ABHD2: variants seen among roughly 807,000 people sequenced by gnomAD.
ABHD2 encodes abhydrolase domain containing 2, acylglycerol lipase.
ABHD2 carries 20 observed loss-of-function variants against 48.1 expected under a neutral mutation model. The ratio of observed to expected loss-of-function variants is 0.42; its 90% CI spans 0.29 to 0.60. The LOEUF (loss-of-function observed/expected upper bound fraction) is 0.60. Ranked by LOEUF, ABHD2 falls within the 20% of genes least tolerant of loss-of-function variation. ABHD2 has a pLI of 0.24. For missense variants in ABHD2, 405 were observed against 550.9 expected (o/e 0.74, Z 2.65); for synonymous variants, 209 against 214.2 (o/e 0.98, Z 0.21).
chr15:89,126,002 G>T (rs558244210), intron 3 of ABHD2, among the ~76,000 whole-genome samples: 3 of 152,068 alleles, frequency 2.0e-5, no homozygotes, highest in Non-Finnish European at 4.4e-5. Context: ...GATGGAAAAA[G>T]GCTCATCCTT....
the ABHD2 span, among the ~76,000 whole-genome samples, chr15:89,071,379 C>T: frequency 6.6e-6 from 1 of 152,130 alleles, no homozygotes; most frequent in Non-Finnish European, 1.5e-5. Context: ...CAAGATTGTG[C>T]CTTTGCATTC....
At chr15:89,117,480 T>A (rs1260016076) in intron 3 of ABHD2, among the ~76,000 whole-genome samples, 1 of 152,264 alleles carries the variant, frequency 6.6e-6, no homozygotes, top group East Asian at 1.9e-4. Context: ...TCTGAATGAC[T>A]GTGTCTTCCT....
At chr15:89,157,992 T>C (rs973824577) in intron 5 of ABHD2, among the ~76,000 whole-genome samples, 1 of 151,732 alleles carries the variant, frequency 6.6e-6, no homozygotes, top group African/African-American at 2.4e-5. Flanking sequence ...TGGGGAATAA[T>C]GGTAATGTCC....
Position 89,094,739 on chromosome 15 carries a change from A to G in ABHD2, c.-107+6176A>G, listed in dbSNP as rs997923274. 2.0e-5 allele frequency among the ~76,000 whole-genome samples: 3 copies of G among 151,464 alleles called. No homozygotes were observed. The highest frequency in any genetic ancestry group is 2.9e-5 in the Non-Finnish European group (2 of 67,882). On this transcript the variant is annotated intron_variant, in intron 1 of 10. Coordinates refer to ENST00000352732, the MANE Select transcript of ABHD2 (RefSeq NM_152924.5). This position sits in a 1 kb window ranked among gnomAD's most constrained non-coding sequence, Gnocchi z 4.7. ...GCAACAACAACAACAACAAAAACAA[A>G]TAAGGAAATACAAAAGCCCTGTCAT...
chr15:89,062,532 G>C, the ABHD2 span, among the ~76,000 whole-genome samples: 1 of 151,954 alleles, frequency 6.6e-6, no homozygotes, highest in Non-Finnish European at 1.5e-5. Context: ...GCTGGGAGTA[G>C]AGGCACACAA....
the ABHD2 span, among the ~76,000 whole-genome samples, chr15:89,053,598 A>T: frequency 6.6e-6 from 1 of 152,208 alleles, no homozygotes. Flanking sequence ...CCCTCAAAGA[A>T]GGTGGACACA....
chr15:89,053,039 C>T, the ABHD2 span, among the ~76,000 whole-genome samples: 1 of 150,424 alleles, frequency 6.6e-6, no homozygotes, highest in Admixed American at 6.6e-5. Flanking sequence ...GTGGTCTTGG[C>T]TCACTGCAAC....
chr15:89,125,372 G>C (rs2150832700), intron 3 of ABHD2, among the ~76,000 whole-genome samples: 1 of 152,268 alleles, frequency 6.6e-6, no homozygotes, highest in East Asian at 1.9e-4. Context: ...CAGACCTTCA[G>C]AGCATATTCA....
rs370810519 is a variant in ABHD2 at position 89,195,396 on chromosome 15, G to C, written c.1251G>C (p.Thr417=). 2.5e-4 allele frequency: 408 copies of C among 1,614,010 alleles called. 2 individuals are homozygous for C. Among genetic ancestry groups the C allele is most frequent in the Middle Eastern group, 9.9e-4 (6 of 6,058 alleles). Residue 417 remains threonine, a synonymous_variant, in exon 11 of 11, where the codon ACG becomes ACC. Coordinates refer to ENST00000352732, the MANE Select transcript of ABHD2 (RefSeq NM_152924.5). The surrounding 1 kb of genome is among the most constrained non-coding windows in gnomAD (Gnocchi z 5.1). The part of the protein sequence containing the change: ...WERNKLQCSD[T]EQVEADLE ...GTAACAAGTTGCAGTGCTCTGACAC[G>C]GAGCAGGTGGAGGCCGACCTGGAGT... is the stretch of plus-strand genomic sequence containing the variant.
chr15:89,067,827 C>A, the ABHD2 span, among the ~76,000 whole-genome samples: 1 of 152,130 alleles, frequency 6.6e-6, no homozygotes, highest in Non-Finnish European at 1.5e-5. Flanking sequence ...AGAGTCCAAA[C>A]CTTGAGGTAG....
Position 89,137,043 on chromosome 15 carries a change from G to A in ABHD2, c.195-14634G>A, listed in dbSNP as rs1190259892. ...TTAGCACCTTGGCAGCCCAGGTCTG[G>A]GAATAGTGGTGCCTTCTCCTAAAGT... On this transcript the variant is annotated intron_variant, in intron 3 of 10. Transcript: ENST00000352732. The surrounding 1 kb of genome is among the most constrained non-coding windows in gnomAD (Gnocchi z 4.8). 6.6e-6 allele frequency among the ~76,000 whole-genome samples: 1 copy of A among 152,186 alleles called. No individual in the cohort carries two copies. The highest frequency in any genetic ancestry group is 1.5e-5 in the Non-Finnish European group (1 of 68,048).
chr15:89,056,245 A>G, the ABHD2 span, among the ~76,000 whole-genome samples: 3 of 152,146 alleles, frequency 2.0e-5, no homozygotes, highest in Non-Finnish European at 2.9e-5. Context: ...CCTAGGGAAA[A>G]TAATAGGAAA....
chr15:89,042,971 AC>A, the ABHD2 span, among the ~76,000 whole-genome samples: 6 of 152,016 alleles, frequency 3.9e-5, no homozygotes, highest in Non-Finnish European at 8.8e-5. Flanking sequence ...CCCGGCCTAT[AC>A]CTTCTTTCTT....
chr15:89,043,469 GAGA>G, the ABHD2 span, among the ~76,000 whole-genome samples: 1 of 145,712 alleles, frequency 6.9e-6, no homozygotes, highest in Non-Finnish European at 1.5e-5. Flanking sequence ...GAAGGAGAAG[GAGA>G]AGGAGAGGAA....
At position 89,189,638 on chromosome 15, in the gene ABHD2, C is replaced by A. The variant is rs751849991; in HGVS notation, c.926+1335C>A. Among the ~76,000 whole-genome samples, 1 of 152,210 alleles carries A rather than the reference C, an allele frequency of 6.6e-6. No homozygotes were observed. Among genetic ancestry groups the A allele is most frequent in the Non-Finnish European group, 1.5e-5 (1 of 68,038 alleles). ...TTCCTTATGAGATTTTAGTAGCCTT[C>A]TTACACCAAGTAACGTTGAAATATG... On this transcript the variant is annotated intron_variant, in intron 8 of 10. Transcript: ENST00000352732. The surrounding 1 kb of genome is among the most constrained non-coding windows in gnomAD (Gnocchi z 4.9).
intron 9 of ABHD2, among the ~76,000 whole-genome samples, chr15:89,191,582 G>A (rs990826949): frequency 2.0e-5 from 3 of 151,276 alleles, no homozygotes; most frequent in Admixed American, 2.0e-4. Context: ...GAGTAAAACT[G>A]ATGTGTTTCT....
intron 2 of ABHD2, among the ~76,000 whole-genome samples, chr15:89,115,825 C>G (rs538027683): frequency 6.6e-6 from 1 of 152,134 alleles, no homozygotes; most frequent in Admixed American, 6.5e-5. Context: ...CTGGTGGCAC[C>G]AGCAGTCCTT....
At chr15:89,135,955 T>C (rs1596101849) in intron 3 of ABHD2, 1 of 417,794 alleles carries the variant, frequency 2.4e-6, no homozygotes, top group Non-Finnish European at 4.4e-6. Context: ...AGATGGAGTT[T>C]CCCTTTTGTT....
chr15:89,140,669 C>T (rs999554134), intron 3 of ABHD2, among the ~76,000 whole-genome samples: 2 of 152,178 alleles, frequency 1.3e-5, no homozygotes, highest in East Asian at 1.9e-4. Context: ...GAGCACAGGC[C>T]CCCCCTGTGT....
Sources: allele counts gnomAD v4.1 joint callset (sites outside exome capture counted in the v4.1 genomes callset), GRCh38; gene constraint gnomAD v4.1.1; non-coding constraint Gnocchi (gnomAD v3.1); transcripts MANE v1.5; gene names NCBI Gene and HGNC (gene_info 2026-07-23, HGNC 2026-07-21).